The following PAFAH1B1 variants were observed in gnomAD, a reference collection of about 807,000 sequenced individuals.
PAFAH1B1 encodes platelet activating factor acetylhydrolase 1b regulatory subunit 1.
In PAFAH1B1, 2 loss-of-function variants were observed where a neutral mutation model predicts 57.5. That is an observed-to-expected ratio of 0.03 (90% CI 0.01 to 0.11). The LOEUF (loss-of-function observed/expected upper bound fraction) is 0.11. PAFAH1B1 is among the 10% of genes least tolerant of loss of function. The probability of loss-of-function intolerance (pLI) is 1.00; values close to 1 mark genes in which losing one functional copy is unlikely to be tolerated. For synonymous variants in PAFAH1B1, 152 were observed against 169.6 expected (o/e 0.90, Z 0.81); for missense variants, 257 against 512.0 (o/e 0.50, Z 4.81).
chr17:2,597,186 T>C (rs1021802816), intron 1 of PAFAH1B1, among the ~76,000 whole-genome samples: 1 of 152,162 alleles, frequency 6.6e-6, no homozygotes, highest in African/African-American at 2.4e-5. Context: ...TCTTGATACA[T>C]GTTGGAGAAT....
intron 1 of PAFAH1B1, among the ~76,000 whole-genome samples, chr17:2,601,628 G>C (rs1056363839): frequency 6.6e-6 from 1 of 152,210 alleles, no homozygotes; most frequent in Admixed American, 6.5e-5. Flanking sequence ...TTTTAGGAGA[G>C]ATGGAGTATC....
chr17:2,632,543 A>G (rs1353019847), intron 1 of PAFAH1B1, among the ~76,000 whole-genome samples: 1 of 152,162 alleles, frequency 6.6e-6, no homozygotes, highest in African/African-American at 2.4e-5. Flanking sequence ...TGTTGATTGT[A>G]TCCCCATGGT....
chr17:2,600,326 G>C (rs1027740184), intron 1 of PAFAH1B1, among the ~76,000 whole-genome samples: 3 of 151,476 alleles, frequency 2.0e-5, no homozygotes, highest in Non-Finnish European at 4.4e-5. Context: ...GTAATCCCAG[G>C]ACTTTGGGAG....
chr17:2,676,291 T>A, intron 8 of PAFAH1B1: 1 of 487,066 alleles, frequency 2.1e-6, no homozygotes, highest in South Asian at 2.1e-5. Flanking sequence ...GGCAGGAGAT[T>A]CGCTTGAACC....
chr17:2,653,112 C>T (rs1179704309), intron 2 of PAFAH1B1, among the ~76,000 whole-genome samples: 1 of 152,030 alleles, frequency 6.6e-6, no homozygotes, highest in African/African-American at 2.4e-5. Flanking sequence ...GAGTTTGTGC[C>T]CTTTATAGGG....
chr17:2,665,388 G>C lies in PAFAH1B1; in HGVS notation c.49G>C (p.Asp17His). 1 of 1,603,864 alleles carries C rather than the reference G, an allele frequency of 6.2e-7. No homozygotes were observed. The highest frequency in any genetic ancestry group is 8.5e-7 in the Non-Finnish European group (1 of 1,172,594). The change falls in exon 3 of 11, where the codon GAT (aspartate) becomes CAT (histidine). Residue 17 changes from aspartate (D) to histidine (H), a missense_variant. Coordinates refer to ENST00000397195, the MANE Select transcript of PAFAH1B1 (RefSeq NM_000430.4). Reference protein sequence around the residue: ...QRDELNRAIADYLRSNGYEEA... With the variant: ...QRDELNRAIAHYLRSNGYEEA... ...TTCTTTCAGAAATCGAGCTATAGCA[G>C]ATTATCTTCGTTCAAATGGCTATGA...
At chr17:2,605,955 C>T (rs1220180257) in intron 1 of PAFAH1B1, among the ~76,000 whole-genome samples, 1 of 152,088 alleles carries the variant, frequency 6.6e-6, no homozygotes, top group Non-Finnish European at 1.5e-5. Flanking sequence ...TCTTTGGACA[C>T]TAGGGAAGCA....
chr17:2,636,908 G>T (rs1413973395), intron 1 of PAFAH1B1, among the ~76,000 whole-genome samples: 1 of 151,918 alleles, frequency 6.6e-6, no homozygotes, highest in Non-Finnish European at 1.5e-5. Context: ...TTTCTGTAGA[G>T]ACGGGGTCTC....
intron 1 of PAFAH1B1, among the ~76,000 whole-genome samples, chr17:2,625,680 C>T (rs1466858951): frequency 6.6e-6 from 1 of 152,144 alleles, no homozygotes. Context: ...AATCTCAGCA[C>T]TTTGGGTGGC....
At chr17:2,638,455 G>A in intron 2 of PAFAH1B1, 135 bp downstream of exon 2, 1 of 715,846 alleles carries the variant, frequency 1.4e-6, no homozygotes, top group East Asian at 2.7e-5. Context: ...AGTTTAGGCA[G>A]TTTGGTCTGA....
At chr17:2,615,572 C>G (rs932207919) in intron 1 of PAFAH1B1, among the ~76,000 whole-genome samples, 1 of 152,054 alleles carries the variant, frequency 6.6e-6, no homozygotes, top group Non-Finnish European at 1.5e-5. Flanking sequence ...TCCCGAGTAG[C>G]TGAGACTGCA....
At chr17:2,611,520 A>G (rs144590805) in intron 1 of PAFAH1B1, among the ~76,000 whole-genome samples, 5 of 151,924 alleles carry the variant, frequency 3.3e-5, no homozygotes, top group African/African-American at 1.2e-4. Context: ...GGGGTCCAGG[A>G]CACAGCTGTG....
At chr17:2,613,696 C>G (rs891818445) in intron 1 of PAFAH1B1, 2 of 289,350 alleles carry the variant, frequency 6.9e-6, no homozygotes, top group Non-Finnish European at 1.4e-5. Flanking sequence ...AGACATCATC[C>G]ATGGTCCACT....
At chr17:2,679,419 T>TG (rs2069331051) in intron 9 of PAFAH1B1, among the ~76,000 whole-genome samples, 1 of 150,170 alleles carries the variant, frequency 6.7e-6, no homozygotes, top group Non-Finnish European at 1.5e-5. Flanking sequence ...GATGGATGGA[T>TG]AGATGGATGA....
rs770011553 is a variant in PAFAH1B1, at chr17:2,606,810, C to CTTTTTTTTTTT, written c.-191+12821_-191+12831dup. 2.9e-5 allele frequency among the ~76,000 whole-genome samples: 3 copies of CTTTTTTTTTTT among 101,714 alleles called. 1 individual carries two copies. Among genetic ancestry groups the CTTTTTTTTTTT allele is most frequent in the Non-Finnish European group, 4.0e-5 (2 of 50,330 alleles). 66.7% of individuals were successfully genotyped at this position (101,714 alleles called of 152,430 possible). A position where few individuals can be genotyped will look rare whatever the true frequency, so the allele number is the denominator to read the frequency against. ...ACATTTTGTCATATTTGCCTCAGAG[C>CTTTTTTTTTTT]TTTTTTTTTTTTTTTTTTTTTTTTT... On this transcript the variant is annotated intron_variant, in intron 1 of 10. Coordinates refer to ENST00000397195, the MANE Select transcript of PAFAH1B1 (RefSeq NM_000430.4).
chr17:2,635,897 T>C (rs1051331573), intron 1 of PAFAH1B1, among the ~76,000 whole-genome samples: 1 of 150,192 alleles, frequency 6.7e-6, no homozygotes, highest in Non-Finnish European at 1.5e-5. Flanking sequence ...GTTCAGAAAT[T>C]TGAGACCAGC....
chr17:2,656,775 A>T (rs554931355), intron 2 of PAFAH1B1, among the ~76,000 whole-genome samples: 2 of 152,306 alleles, frequency 1.3e-5, no homozygotes, highest in Non-Finnish European at 2.9e-5. Context: ...TGTTTCATGT[A>T]ATCTGCCTGT....
chr17:2,609,525 T>G (rs560227647), intron 1 of PAFAH1B1: 2 of 152,212 alleles, frequency 1.3e-5, no homozygotes, highest in African/African-American at 2.4e-5. Context: ...GAAGATTTTT[T>G]TTTTTGAGAC....
chr17:2,680,205 T>C lies in PAFAH1B1; in HGVS notation c.1044T>C (p.Ser348=). Residue 348 remains serine, a synonymous_variant, in exon 10 of 11, where the codon TCT becomes TCC. Coordinates refer to ENST00000397195, the MANE Select transcript of PAFAH1B1 (RefSeq NM_000430.4). ...DNWVRGVLFH[S]GGKFILSCAD... Reference sequence around the variant, plus strand: ...GGGTACGTGGAGTTCTGTTCCATTCTGGGGGGAAGTTTATTTTGAGTTGTG... The same window carrying C: ...GGGTACGTGGAGTTCTGTTCCATTCCGGGGGGAAGTTTATTTTGAGTTGTG... 1 of 1,614,166 alleles carries C rather than the reference T, an allele frequency of 6.2e-7. No individual in the cohort carries two copies. The highest frequency in any genetic ancestry group is 8.5e-7 in the Non-Finnish European group (1 of 1,179,992).
Sources: gnomAD v4.1 joint callset for allele counts (sites outside exome capture counted in the v4.1 genomes callset) on GRCh38, gnomAD v4.1.1 for gene constraint, MANE v1.5 for transcripts, NCBI Gene and HGNC (gene_info 2026-07-23, HGNC 2026-07-21) for gene names.